The following MACROD2 variants were observed in gnomAD, a reference collection of about 807,000 sequenced individuals.
MACROD2 encodes the protein ADP-ribose glycohydrolase MACROD2.
MACROD2 carries 36 observed loss-of-function variants against 70.4 expected under a neutral mutation model. The observed-to-expected ratio is 0.51, with a 90% CI of 0.39 to 0.68. The LOEUF (loss-of-function observed/expected upper bound fraction) is 0.68, where lower values mean the gene tolerates loss of function less well. Among genes scored for constraint, MACROD2 ranks in the 30% least tolerant of loss-of-function variants. The pLI, the probability that MACROD2 is intolerant of heterozygous loss-of-function variation, is 0.00. For missense variants in MACROD2, 496 were observed against 538.4 expected (o/e 0.92, Z 0.78); for synonymous variants, 172 against 178.8 (o/e 0.96, Z 0.30).
At chr20:15,964,132 T>C (rs1470066304) in intron 12 of MACROD2, among the ~76,000 whole-genome samples, 1 of 152,174 alleles carries the variant, frequency 6.6e-6, no homozygotes, top group Non-Finnish European at 1.5e-5. Flanking sequence ...AAATCCAAGG[T>C]GCTGCAAGAG....
At chr20:14,976,730 C>A (rs928835167) in intron 5 of MACROD2, among the ~76,000 whole-genome samples, 8 of 152,122 alleles carry the variant, frequency 5.3e-5, no homozygotes, top group Non-Finnish European at 1.2e-4. Flanking sequence ...AGAATCAAAT[C>A]ATCACTTCCC....
intron 7 of MACROD2, among the ~76,000 whole-genome samples, chr20:15,481,916 C>CT (rs537823374): frequency 1.3e-3 from 192 of 151,528 alleles, no homozygotes; most frequent in African/African-American, 4.3e-3. Context: ...TGAATTTCTT[C>CT]TTTTTTTTTC....
intron 15 of MACROD2, among the ~76,000 whole-genome samples, chr20:16,013,736 A>G (rs13042621): frequency 5.6e-4 from 86 of 152,322 alleles, no homozygotes; most frequent in African/African-American, 2.0e-3. Flanking sequence ...AGAGAAAGTA[A>G]CATTCATGGA....
Position 14,326,387 on chromosome 20 carries a change from C to T in MACROD2, c.272-167092C>T, listed in dbSNP as rs1381658057. 1 of 1,613,886 alleles carries T rather than the reference C, an allele frequency of 6.2e-7. No homozygotes were observed. The highest frequency in any genetic ancestry group is 2.2e-5 in the East Asian group (1 of 44,864). On this transcript the variant is annotated intron_variant, in intron 3 of 17. Coordinates refer to ENST00000684519, the MANE Select transcript of MACROD2 (RefSeq NM_001351661.2). This position sits in a 1 kb window ranked among gnomAD's most constrained non-coding sequence, Gnocchi z 5.5. ...GGCCACTGTCCTTGGGCAGGATACACTGTGTTGGGTATTGCAGTGGTTATC... is the reference window on the plus strand; with the variant it reads ...GGCCACTGTCCTTGGGCAGGATACATTGTGTTGGGTATTGCAGTGGTTATC...
At chr20:14,340,470 G>A (rs746093090) in intron 3 of MACROD2, among the ~76,000 whole-genome samples, 1 of 152,122 alleles carries the variant, frequency 6.6e-6, no homozygotes, top group Non-Finnish European at 1.5e-5. Flanking sequence ...TACACAAAGG[G>A]AGGTAGTACA....
At chr20:14,524,766 A>T (rs748779773) in intron 4 of MACROD2, among the ~76,000 whole-genome samples, 1 of 152,146 alleles carries the variant, frequency 6.6e-6, no homozygotes, top group Non-Finnish European at 1.5e-5. Context: ...ATGCTCCTCA[A>T]GTCCTTAACC....
At chr20:15,262,812 C>T (rs1364023830) in intron 6 of MACROD2, among the ~76,000 whole-genome samples, 1 of 152,014 alleles carries the variant, frequency 6.6e-6, no homozygotes, top group Non-Finnish European at 1.5e-5. Flanking sequence ...ATATTGAACA[C>T]ATTTTCATTT....
At chr20:14,832,444 G>A (rs2072982030) in intron 5 of MACROD2, among the ~76,000 whole-genome samples, 1 of 151,912 alleles carries the variant, frequency 6.6e-6, no homozygotes, top group Non-Finnish European at 1.5e-5. Context: ...GTATGGAATG[G>A]CAGTTTGAGG....
intron 8 of MACROD2, among the ~76,000 whole-genome samples, chr20:15,672,678 T>G (rs551376152): frequency 3.1e-4 from 47 of 152,264 alleles, no homozygotes; most frequent in African/African-American, 1.0e-3. Context: ...GCCAGTGACA[T>G]GCGAAAGAAC....
chr20:14,894,276 G>A (rs2073800883), intron 5 of MACROD2: 1 of 151,992 alleles, frequency 6.6e-6, no homozygotes. Context: ...TGCCGCCCAG[G>A]CTGGAGTGCA....
At chr20:14,752,620 A>T (rs1417277207) in intron 5 of MACROD2, among the ~76,000 whole-genome samples, 2 of 152,094 alleles carry the variant, frequency 1.3e-5, no homozygotes, top group Admixed American at 1.3e-4. Context: ...AAGCACATCT[A>T]ATAATGTCTC....
chr20:15,085,873 A>AACAC (rs3070249), intron 5 of MACROD2, among the ~76,000 whole-genome samples: 23,829 of 144,206 alleles, frequency 0.17, 2,209 homozygotes, highest in Non-Finnish European at 0.22. Flanking sequence ...ACACACACAC[A>AACAC]ACACACACAC....
intron 5 of MACROD2, among the ~76,000 whole-genome samples, chr20:14,717,716 A>G (rs932885424): frequency 6.6e-6 from 1 of 152,084 alleles, no homozygotes; most frequent in African/African-American, 2.4e-5. Flanking sequence ...GGAGAGAGGT[A>G]ATAGAACTGA....
intron 2 of MACROD2, among the ~76,000 whole-genome samples, chr20:14,068,685 AG>A (rs976889158): frequency 2.0e-5 from 3 of 152,128 alleles, no homozygotes; most frequent in African/African-American, 4.8e-5. Context: ...CTAAAGTCAC[AG>A]GGGAAGGAAA....
intron 5 of MACROD2, among the ~76,000 whole-genome samples, chr20:14,934,349 T>C (rs955862400): frequency 2.6e-5 from 4 of 152,190 alleles, no homozygotes; most frequent in African/African-American, 7.2e-5. Context: ...GAGAGCATAA[T>C]GAGAGCAGCA....
intron 6 of MACROD2, among the ~76,000 whole-genome samples, chr20:15,243,925 C>T (rs1404560318): frequency 2.0e-5 from 3 of 150,882 alleles, no homozygotes; most frequent in African/African-American, 7.3e-5. Flanking sequence ...GACTCCATCT[C>T]AAAAACAAAA....
chr20:15,202,868 T>C (rs1407200679), intron 5 of MACROD2, among the ~76,000 whole-genome samples: 1 of 152,130 alleles, frequency 6.6e-6, no homozygotes, highest in Admixed American at 6.5e-5. Context: ...CATTTTGATG[T>C]TTTTAGCTTT....
chr20:15,863,632 A>G (rs751295784), intron 9 of MACROD2, among the ~76,000 whole-genome samples: 1 of 152,176 alleles, frequency 6.6e-6, no homozygotes, highest in Non-Finnish European at 1.5e-5. Context: ...TGCCTTTCAG[A>G]GAGCTTTCTT....
intron 5 of MACROD2, among the ~76,000 whole-genome samples, chr20:14,978,472 T>C (rs1247138770): frequency 6.7e-6 from 1 of 149,900 alleles, no homozygotes; most frequent in Non-Finnish European, 1.5e-5. Flanking sequence ...CTACAGGCAA[T>C]GGCCAGTGTA....
Sources: gnomAD v4.1 joint callset for allele counts (sites outside exome capture counted in the v4.1 genomes callset) on GRCh38, gnomAD v4.1.1 for gene constraint, Gnocchi (gnomAD v3.1) non-coding constraint, MANE v1.5 for transcripts, NCBI Gene and HGNC (gene_info 2026-07-23, HGNC 2026-07-21) for gene names.